The following PCDHA6 variants were observed in gnomAD, a reference collection of about 807,000 sequenced individuals.
PCDHA6 encodes the protein protocadherin alpha 6, also known as protocadherin alpha-6.
In PCDHA6, 55 loss-of-function variants were observed where a neutral mutation model predicts 60.3. The ratio of observed to expected loss-of-function variants is 0.91; its 90% CI spans 0.73 to 1.14. PCDHA6 has a LOEUF of 1.14. Among genes scored for constraint, PCDHA6 ranks in the 50% most tolerant of loss-of-function variants. The pLI, the probability that PCDHA6 is intolerant of heterozygous loss-of-function variation, is 0.00. For missense variants in PCDHA6, 1,327 were observed against 1,256.5 expected (o/e 1.06, Z -0.85); for synonymous variants, 652 against 557.9 (o/e 1.17, Z -2.38).
intron 1 of PCDHA6, among the ~76,000 whole-genome samples, chr5:140,898,622 A>G (rs1286354840): frequency 7.9e-5 from 12 of 152,290 alleles, no homozygotes; most frequent in African/African-American, 2.6e-4. Context: ...GTCAGGTAGC[A>G]TAATGCCTCC....
intron 1 of PCDHA6, among the ~76,000 whole-genome samples, chr5:140,896,201 C>G (rs1583224545): frequency 6.6e-6 from 1 of 152,344 alleles, no homozygotes; most frequent in African/African-American, 2.4e-5. Context: ...CCATGATGAA[C>G]ATACACATAC....
chr5:140,926,954 A>T, intron 1 of PCDHA6: 1 of 1,597,602 alleles, frequency 6.3e-7, no homozygotes, highest in Non-Finnish European at 8.6e-7. Flanking sequence ...GCAGCGGGAC[A>T]GCTCGAGTAC....
chr5:140,975,588 A>G (rs2096673583), intron 1 of PCDHA6, among the ~76,000 whole-genome samples: 1 of 152,210 alleles, frequency 6.6e-6, no homozygotes, highest in South Asian at 2.1e-4. Context: ...CATGTCCCAG[A>G]GGGCAATTTG....
rs114930676 is a variant in PCDHA6 at position 140,999,076 on chromosome 5, C to G, written c.2543-10551C>G. ...CATGCCTAAGTAGTCTCCTTCACTT[C>G]CTCCTTCAGAGGGCTATGGAGAGTA... On this transcript the variant is annotated intron_variant, in intron 3 of 3. Transcript: ENST00000529310. Among the ~76,000 whole-genome samples the G allele has an allele frequency of 3.3e-3, 503 of 152,332 alleles. 4 individuals are homozygous for G. The highest frequency in any genetic ancestry group is 0.011 in the African/African-American group (469 of 41,568).
intron 1 of PCDHA6, among the ~76,000 whole-genome samples, chr5:140,887,392 G>A (rs1484199271): frequency 1.3e-5 from 2 of 152,024 alleles, no homozygotes; most frequent in African/African-American, 2.4e-5. Context: ...CACCGCGCCC[G>A]GCTCTTTATC....
chr5:140,982,362 A>ATTCTGCTC, intron 2 of PCDHA6, 113 bp from the exon 3 acceptor site: 1 of 1,531,968 alleles, frequency 6.5e-7, no homozygotes, highest in Non-Finnish European at 8.8e-7. Context: ...GCATGAGCAG[A>ATTCTGCTC]ATGTGTTAGC....
intron 3 of PCDHA6, among the ~76,000 whole-genome samples, chr5:141,003,903 G>A (rs150270772): frequency 6.6e-6 from 1 of 152,076 alleles, no homozygotes; most frequent in Non-Finnish European, 1.5e-5. Flanking sequence ...CCATTCATTT[G>A]GGTCTTGACT....
rs530119651 is a variant in PCDHA6, at chr5:140,965,991, T to A, written c.2395-12958T>A. ...CCTAGGAGTTGAGCACTTTCTGCAG[T>A]ACTTAAGAGTGTCCAGGGAAGATGT... On this transcript the variant is annotated intron_variant, in intron 1 of 3. Transcript: ENST00000529310. Among the ~76,000 whole-genome samples, 253 of 152,310 alleles carry A rather than the reference T, an allele frequency of 1.7e-3. 2 individuals carry two copies. Among genetic ancestry groups the A allele is most frequent in the Non-Finnish European group, 2.4e-3 (164 of 68,034 alleles).
chr5:140,966,923 G>A (rs781929029), intron 1 of PCDHA6: 36 of 1,602,826 alleles, frequency 2.2e-5, no homozygotes, highest in Non-Finnish European at 3.0e-5. Context: ...AGAGGAGCAG[G>A]CACCCGGCGC....
chr5:140,981,335 AG>A (rs2096927378), intron 2 of PCDHA6, among the ~76,000 whole-genome samples: 3 of 152,168 alleles, frequency 2.0e-5, no homozygotes, highest in Non-Finnish European at 4.4e-5. Context: ...GCACTTTGGG[AG>A]GGTGAGGCAG....
At chr5:140,840,108 A>T (rs2150169191) in intron 1 of PCDHA6, among the ~76,000 whole-genome samples, 1 of 152,186 alleles carries the variant, frequency 6.6e-6, no homozygotes, top group Admixed American at 6.5e-5. Flanking sequence ...AGTGAAATCG[A>T]GTGAAAGCTG....
intron 1 of PCDHA6, among the ~76,000 whole-genome samples, chr5:140,895,667 G>A (rs2153450568): frequency 1.3e-5 from 2 of 152,262 alleles, no homozygotes; most frequent in South Asian, 4.1e-4. Context: ...GTGAGAACAT[G>A]TAGTATTTGG....
chr5:140,951,076 A>G (rs2094545866), intron 1 of PCDHA6, among the ~76,000 whole-genome samples: 1 of 151,566 alleles, frequency 6.6e-6, no homozygotes, highest in Non-Finnish European at 1.5e-5. Flanking sequence ...GCTTTCTTAT[A>G]TTTTCCTTTT....
chr5:140,925,499 T>C (rs2082524680), intron 1 of PCDHA6, among the ~76,000 whole-genome samples: 1 of 152,018 alleles, frequency 6.6e-6, no homozygotes, highest in African/African-American at 2.4e-5. Flanking sequence ...ACTGTCCCAA[T>C]ATCCACGCAA....
intron 1 of PCDHA6, chr5:140,966,824 A>T: frequency 1.3e-6 from 2 of 1,559,992 alleles, no homozygotes; most frequent in Non-Finnish European, 1.7e-6. Flanking sequence ...CCGGCGGCCC[A>T]TGCCCTGGCT....
intron 1 of PCDHA6, chr5:140,882,427 G>A: frequency 6.2e-7 from 1 of 1,614,090 alleles, no homozygotes; most frequent in Non-Finnish European, 8.5e-7. Flanking sequence ...AGGACCTGGG[G>A]CTGGAGCTGG....
At chr5:140,873,007 C>A (rs1363151505) in intron 1 of PCDHA6, among the ~76,000 whole-genome samples, 1 of 152,206 alleles carries the variant, frequency 6.6e-6, no homozygotes, top group Admixed American at 6.5e-5. Context: ...AGTCATTCTT[C>A]ATATTTAGTT....
intron 3 of PCDHA6, among the ~76,000 whole-genome samples, chr5:140,992,394 G>A (rs1338899804): frequency 2.0e-5 from 3 of 152,170 alleles, no homozygotes; most frequent in African/African-American, 7.2e-5. Flanking sequence ...TCTGGACTTA[G>A]AGATATTGTT....
At chr5:140,836,148 C>T (rs1554135661) in intron 1 of PCDHA6, 1 of 1,613,646 alleles carries the variant, frequency 6.2e-7, no homozygotes, top group East Asian at 2.2e-5. Flanking sequence ...GGGCGCGGGC[C>T]ATGTGGTGGC....
Sources: allele counts gnomAD v4.1 joint callset (sites outside exome capture counted in the v4.1 genomes callset), GRCh38; gene constraint gnomAD v4.1.1; transcripts MANE v1.5; gene names NCBI Gene and HGNC (gene_info 2026-07-23, HGNC 2026-07-21).